The following DNM2 variants were observed in gnomAD, a reference collection of about 807,000 sequenced individuals.
DNM2 encodes dynamin 2, also known as dynamin-2.
In DNM2, 15 loss-of-function variants were observed where a neutral mutation model predicts 99.0. That is an observed-to-expected ratio of 0.15 (90% confidence interval 0.10 to 0.23). The LOEUF is 0.23. Ranked by LOEUF, DNM2 falls within the 10% of genes least tolerant of loss-of-function variation. The pLI, the probability that DNM2 is intolerant of heterozygous loss-of-function variation, is 1.00. For missense variants in DNM2, 742 were observed against 1,189.4 expected (o/e 0.62, Z 5.53); for synonymous variants, 525 against 481.2 (o/e 1.09, Z -1.19).
At chr19:10,782,259 C>G (rs1003681734) in intron 5 of DNM2, among the ~76,000 whole-genome samples, 1 of 152,204 alleles carries the variant, frequency 6.6e-6, no homozygotes, top group Non-Finnish European at 1.5e-5. Context: ...GTCTGGAACT[C>G]TTGGGCTCAA....
At chr19:10,777,899 A>T (rs1401123495) in intron 5 of DNM2, among the ~76,000 whole-genome samples, 1 of 150,490 alleles carries the variant, frequency 6.6e-6, no homozygotes, top group Non-Finnish European at 1.5e-5. Flanking sequence ...CCGGCCTATT[A>T]TGAGCATTTT....
At chr19:10,758,071 T>C (rs2070461709) in intron 1 of DNM2, among the ~76,000 whole-genome samples, 1 of 152,120 alleles carries the variant, frequency 6.6e-6, no homozygotes, top group South Asian at 2.1e-4. Context: ...TCTACTTCAG[T>C]CCTCACTGGA....
In DNM2 at chr19:10,793,787, C is replaced by G. The variant is rs2071834680; in HGVS notation, c.1060C>G (p.Leu354Val). 1 of 1,614,038 alleles carries G rather than the reference C, an allele frequency of 6.2e-7. No individual in the cohort carries two copies. The highest frequency in any genetic ancestry group is 1.3e-5 in the African/African-American group (1 of 74,904). ...GGGCTCAGGAGATCAGGTGGACACTCTGGAGCTCTCCGGGGGCGCCCGAAT... is the reference window on the plus strand; with the variant it reads ...GGGCTCAGGAGATCAGGTGGACACTGTGGAGCTCTCCGGGGGCGCCCGAAT... ...IEGSGDQVDT[L>V]ELSGGARINR... The change falls in exon 8 of 21, where the codon CTG (leucine) becomes GTG (valine). Residue 354 changes from leucine (L) to valine (V), a missense_variant. Transcript: ENST00000389253.
At chr19:10,803,732 GC>G in intron 12 of DNM2, 1 of 977,944 alleles carries the variant, frequency 1.0e-6, no homozygotes. Flanking sequence ...TGGCTGGGTG[GC>G]CCCAGCCCTG....
At chr19:10,733,695 A>G (rs2069417224) in intron 1 of DNM2, among the ~76,000 whole-genome samples, 1 of 151,946 alleles carries the variant, frequency 6.6e-6, no homozygotes, top group Admixed American at 6.6e-5. Context: ...CTTTGGCAAC[A>G]TAACCTCTTC....
intron 7 of DNM2, among the ~76,000 whole-genome samples, chr19:10,792,176 G>A (rs147048830): frequency 8.5e-5 from 13 of 152,290 alleles, no homozygotes; most frequent in Middle Eastern, 3.4e-3. Context: ...GAAATTAAAT[G>A]TGCACACCCT....
At chr19:10,788,608 C>G (rs542831160) in intron 7 of DNM2, among the ~76,000 whole-genome samples, 1 of 152,176 alleles carries the variant, frequency 6.6e-6, no homozygotes, top group Admixed American at 6.5e-5. Flanking sequence ...TAGGTTAGGT[C>G]CCTCTCCAGC....
intron 3 of DNM2, among the ~76,000 whole-genome samples, chr19:10,773,377 G>A (rs960597723): frequency 1.3e-5 from 2 of 150,930 alleles, no homozygotes; most frequent in African/African-American, 2.4e-5. Flanking sequence ...TCAAACTCCC[G>A]ACCTTGTGAT....
chr19:10,800,520 G>A (rs559095185), intron 11 of DNM2, among the ~76,000 whole-genome samples: 29 of 152,344 alleles, frequency 1.9e-4, no homozygotes, highest in East Asian at 1.9e-4. Flanking sequence ...ATCTGAGAGC[G>A]CTGGGTTGAG....
In DNM2 at chr19:10,822,209, G is replaced by A. The variant is rs1599624558; in HGVS notation, c.1782-1579G>A. On this transcript the variant is annotated intron_variant, in intron 16 of 20. Coordinates refer to ENST00000389253, the MANE Select transcript of DNM2 (RefSeq NM_001005361.3). ...TTTCTTTTTTTTTTTTTTTTGAGAT[G>A]GAGTCTTCCTCTGTCACCCACCCAG... Among the ~76,000 whole-genome samples the A allele has an allele frequency of 1.5e-5, 2 of 137,802 alleles. 1 individual carries two copies. The highest frequency in any genetic ancestry group is 3.1e-5 in the Non-Finnish European group (2 of 64,676). The allele number at this position is 137,802 out of a possible 152,430, so 90.4% of individuals were successfully genotyped here. A position where few individuals can be genotyped will look rare whatever the true frequency, so the allele number is the denominator to read the frequency against.
chr19:10,807,447 G>T (rs1316255765), intron 13 of DNM2, among the ~76,000 whole-genome samples: 1 of 151,464 alleles, frequency 6.6e-6, no homozygotes, highest in African/African-American at 2.4e-5. Context: ...TCACCATCTT[G>T]GCCAGGCTGG....
intron 1 of DNM2, among the ~76,000 whole-genome samples, chr19:10,728,274 G>C (rs1055427761): frequency 6.6e-6 from 1 of 152,222 alleles, no homozygotes; most frequent in Non-Finnish European, 1.5e-5. Flanking sequence ...GGCAGCTGCT[G>C]CTCTTAGCAT....
At chr19:10,738,518 C>CAGGAGGGTGGGATGAGGACTGGCT (rs2069615585) in intron 1 of DNM2, among the ~76,000 whole-genome samples, 1 of 151,450 alleles carries the variant, frequency 6.6e-6, no homozygotes, top group Non-Finnish European at 1.5e-5. Context: ...GAGGACTGGC[C>CAGGAGGGTGGGATGAGGACTGGCT]ACAGTTGGAG....
intron 1 of DNM2, among the ~76,000 whole-genome samples, chr19:10,731,588 A>AG (rs1205065868): frequency 1.3e-5 from 2 of 152,114 alleles, no homozygotes; most frequent in Non-Finnish European, 2.9e-5. Context: ...TCCTGGCCTC[A>AG]GGTGATCCAC....
rs777721319 is a variant in DNM2 at position 10,718,207 on chromosome 19, G to C, written c.-36G>C. ...TCGTTGAGGGTCGGCGGCGGGCGAG[G>C]AGCGCAGGGCGCTCGGGCCGGGGGC... On this transcript the variant is annotated 5_prime_UTR_variant, in exon 1 of 21. Transcript: ENST00000389253. 9 of 1,425,464 alleles carry C rather than the reference G, an allele frequency of 6.3e-6. No homozygotes were observed. Among genetic ancestry groups the C allele is most frequent in the South Asian group, 2.9e-5 (2 of 70,134 alleles). The allele number at this position is 1,425,464 out of a possible 1,614,324, so 88.3% of individuals were successfully genotyped here.
At chr19:10,789,691 AGGTGT>A (rs1363433534) in intron 7 of DNM2, among the ~76,000 whole-genome samples, 1 of 152,032 alleles carries the variant, frequency 6.6e-6, no homozygotes, top group Admixed American at 6.6e-5. Context: ...AAAATTAGCC[AGGTGT>A]GGTGGTGGGC....
intron 1 of DNM2, among the ~76,000 whole-genome samples, chr19:10,737,234 A>G (rs1441728619): frequency 6.6e-6 from 1 of 152,090 alleles, no homozygotes; most frequent in Non-Finnish European, 1.5e-5. Flanking sequence ...GTTCTCATGC[A>G]GGTGAGGCGC....
At position 10,764,240 on chromosome 19, in the gene DNM2, T is replaced by C. The variant is rs2070725215; in HGVS notation, c.235+4429T>C. ...CTCTCTGTGCCTTGGTAGCTTCATCTGTAAAATGGGGGTGATGGTGGCGCT... is the reference window on the plus strand; with the variant it reads ...CTCTCTGTGCCTTGGTAGCTTCATCCGTAAAATGGGGGTGATGGTGGCGCT... On this transcript the variant is annotated intron_variant, in intron 2 of 20. Transcript: ENST00000389253. The surrounding 1 kb of genome is among the most constrained non-coding windows in gnomAD (Gnocchi z 4.1). 6.6e-6 allele frequency among the ~76,000 whole-genome samples: 1 copy of C among 152,150 alleles called. No homozygotes were observed. Among genetic ancestry groups the C allele is most frequent in the African/African-American group, 2.4e-5 (1 of 41,432 alleles).
intron 1 of DNM2, 60 bp from the exon 2 acceptor site, chr19:10,759,678 C>T (rs2070550294): frequency 1.2e-6 from 2 of 1,606,288 alleles, no homozygotes; most frequent in Non-Finnish European, 1.7e-6. Context: ...CATGTGGTCA[C>T]ACTTCCTGCC....
Sources: allele counts gnomAD v4.1 joint callset (sites outside exome capture counted in the v4.1 genomes callset), GRCh38; gene constraint gnomAD v4.1.1; non-coding constraint Gnocchi (gnomAD v3.1); transcripts MANE v1.5; gene names NCBI Gene and HGNC (gene_info 2026-07-23, HGNC 2026-07-21).